Variants in CPA6 observed in about 807,000 individuals in gnomAD.
The protein encoded by CPA6 is carboxypeptidase B.
A neutral mutation model predicts 63.3 loss-of-function variants in CPA6; 58 were observed. The ratio of observed to expected loss-of-function variants is 0.92; its 90% confidence interval spans 0.74 to 1.14. The LOEUF (loss-of-function observed/expected upper bound fraction) is 1.14. Among genes scored for constraint, CPA6 ranks in the 50% most tolerant of loss-of-function variants. The pLI, the probability that CPA6 is intolerant of heterozygous loss-of-function variation, is 0.00. For missense variants in CPA6, 565 were observed against 526.6 expected (o/e 1.07, Z -0.71); for synonymous variants, 185 against 179.0 (o/e 1.03, Z -0.27).
At chr8:67,575,657 G>A (rs933896773) in intron 2 of CPA6, among the ~76,000 whole-genome samples, 1 of 152,190 alleles carries the variant, frequency 6.6e-6, no homozygotes, top group Non-Finnish European at 1.5e-5. Flanking sequence ...AGGAGTTCGA[G>A]ACCAGCCTGG....
rs1816323217 is a variant in CPA6 at position 67,670,648 on chromosome 8, A to G, written c.117-46397T>C. Among the ~76,000 whole-genome samples, 3 of 152,212 alleles carry G rather than the reference A, an allele frequency of 2.0e-5. No individual in the cohort carries two copies. In the South Asian group the frequency reaches 6.2e-4, roughly 32 times the overall value. ...GGGATAGTCCGAGGGAATAAAGAAAAAACAGTTTGTCACAATTACTAAGAA... is the reference window on the plus strand; with the variant it reads ...GGGATAGTCCGAGGGAATAAAGAAAGAACAGTTTGTCACAATTACTAAGAA... On this transcript the variant is annotated intron_variant, in intron 1 of 10. Transcript: ENST00000297770.
At chr8:67,603,185 C>A (rs943312194) in intron 2 of CPA6, among the ~76,000 whole-genome samples, 3 of 152,136 alleles carry the variant, frequency 2.0e-5, no homozygotes, top group African/African-American at 7.2e-5. Context: ...CTATATAGTA[C>A]AAGAATTATA....
Position 67,563,878 on chromosome 8 carries a change from T to A in CPA6, c.193-45831A>T, listed in dbSNP as rs1419764363. ...GAATTATTTATCCACCTTCCCTCAC[T>A]CCCATGACTGAAGCAGTCATCTTAG... is the stretch of plus-strand genomic sequence containing the variant. On this transcript the variant is annotated intron_variant, in intron 2 of 10. Transcript: ENST00000297770. 2.0e-5 allele frequency among the ~76,000 whole-genome samples: 3 copies of A among 152,148 alleles called. No individual in the cohort carries two copies. The East Asian group carries it at 5.8e-4, about 29-fold the overall frequency.
At chr8:67,713,089 G>GTATATATATA (rs1170350800) in intron 1 of CPA6, among the ~76,000 whole-genome samples, 4 of 88,252 alleles carry the variant, frequency 4.5e-5, no homozygotes, top group Admixed American at 1.2e-4. Context: ...GTGTATGTGT[G>GTATATATATA]TGTGTGTGTG....
At chr8:67,665,329 T>C (rs1816203119) in intron 1 of CPA6, among the ~76,000 whole-genome samples, 2 of 152,204 alleles carry the variant, frequency 1.3e-5, no homozygotes, top group Non-Finnish European at 2.9e-5. Flanking sequence ...AGTTTCTTCA[T>C]GAAGTGGTAA....
chr8:67,662,254 A>G (rs181587877), intron 1 of CPA6, among the ~76,000 whole-genome samples: 1 of 152,170 alleles, frequency 6.6e-6, no homozygotes, highest in Admixed American at 6.5e-5. Context: ...CAAAGAATGC[A>G]TCAGGTGACA....
chr8:67,556,227 G>A (rs567614933), intron 2 of CPA6, among the ~76,000 whole-genome samples: 3 of 152,316 alleles, frequency 2.0e-5, no homozygotes, highest in African/African-American at 2.4e-5. Flanking sequence ...TTCTGCGTTC[G>A]TAGGAGCTCA....
intron 1 of CPA6, among the ~76,000 whole-genome samples, chr8:67,651,742 A>G (rs183852121): frequency 6.6e-6 from 1 of 151,210 alleles, no homozygotes; most frequent in East Asian, 1.9e-4. Context: ...TTTTTTTTTA[A>G]AATTTGATTA....
intron 6 of CPA6, among the ~76,000 whole-genome samples, chr8:67,485,520 A>G (rs1021342794): frequency 2.0e-5 from 3 of 152,138 alleles, no homozygotes; most frequent in Non-Finnish European, 2.9e-5. Context: ...CTTTCCTCCC[A>G]ATATATTTTT....
chr8:67,496,571 T>TTTTTA (rs1811723879), intron 6 of CPA6, among the ~76,000 whole-genome samples: 2 of 137,158 alleles, frequency 1.5e-5, no homozygotes, highest in African/African-American at 5.8e-5. Context: ...ATTTTATTTT[T>TTTTTA]TTTTTTTGAG....
chr8:67,486,073 C>T (rs904304814), intron 6 of CPA6, among the ~76,000 whole-genome samples: 1 of 152,140 alleles, frequency 6.6e-6, no homozygotes, highest in Admixed American at 6.5e-5. Context: ...GTTTTTGTCA[C>T]TAATGTTTGT....
At chr8:67,611,815 G>A (rs1272540322) in intron 2 of CPA6, among the ~76,000 whole-genome samples, 1 of 152,188 alleles carries the variant, frequency 6.6e-6, no homozygotes, top group Non-Finnish European at 1.5e-5. Context: ...GCCCTAGCCT[G>A]CTGGCGGCAC....
At chr8:67,494,947 C>T (rs1425948129) in intron 6 of CPA6, among the ~76,000 whole-genome samples, 5 of 152,166 alleles carry the variant, frequency 3.3e-5, no homozygotes, top group Non-Finnish European at 7.4e-5. Flanking sequence ...CTTGATCTTT[C>T]ACCTCTTATC....
chr8:67,427,013 A>G (rs1809902352), intron 10 of CPA6, among the ~76,000 whole-genome samples: 1 of 152,204 alleles, frequency 6.6e-6, no homozygotes, highest in African/African-American at 2.4e-5. Context: ...GCCATCCCAA[A>G]ATAAGCCAGA....
intron 1 of CPA6, among the ~76,000 whole-genome samples, chr8:67,731,447 G>T (rs72659215): frequency 6.6e-5 from 10 of 152,244 alleles, no homozygotes; most frequent in South Asian, 2.1e-4. Flanking sequence ...TTTCTCACAG[G>T]GACCAACTGA....
intron 1 of CPA6, among the ~76,000 whole-genome samples, chr8:67,664,539 G>A (rs1816186277): frequency 6.6e-6 from 1 of 152,122 alleles, no homozygotes. Context: ...CCTGGCTCAT[G>A]AATAACCCAC....
intron 1 of CPA6, among the ~76,000 whole-genome samples, chr8:67,669,610 G>C (rs773964740): frequency 6.6e-6 from 1 of 152,022 alleles, no homozygotes; most frequent in Non-Finnish European, 1.5e-5. Flanking sequence ...TAGTTTCTTA[G>C]GTAACAACTT....
At chr8:67,726,263 T>C (rs1009081641) in intron 1 of CPA6, among the ~76,000 whole-genome samples, 3 of 152,138 alleles carry the variant, frequency 2.0e-5, no homozygotes, top group Admixed American at 6.5e-5. Context: ...TTCAAAGTGA[T>C]GGAAAGTCAG....
intron 2 of CPA6, among the ~76,000 whole-genome samples, chr8:67,589,586 TATC>T (rs1187944402): frequency 1.3e-5 from 2 of 152,188 alleles, no homozygotes; most frequent in East Asian, 1.9e-4. Context: ...ATAGGGGTCT[TATC>T]ATCATTTTTA....
Sources: allele counts gnomAD v4.1 joint callset (sites outside exome capture counted in the v4.1 genomes callset), GRCh38; gene constraint gnomAD v4.1.1; transcripts MANE v1.5; gene names NCBI Gene and HGNC (gene_info 2026-07-23, HGNC 2026-07-21).